NSG1: variants seen among roughly 807,000 people sequenced by gnomAD.
The protein encoded by NSG1 is neuronal vesicle trafficking-associated protein 1.
Under a neutral mutation model 19.3 loss-of-function variants are expected in NSG1, and 9 were observed. That is an observed-to-expected ratio of 0.47 (90% CI 0.28 to 0.81). NSG1 has a LOEUF of 0.81. Among genes scored for constraint, NSG1 ranks in the 40% least tolerant of loss-of-function variants. The probability of loss-of-function intolerance (pLI) is 0.11; values close to 1 mark genes in which losing one functional copy is unlikely to be tolerated. For synonymous variants in NSG1, 104 were observed against 107.0 expected (o/e 0.97, Z 0.17); for missense variants, 236 against 242.4 (o/e 0.97, Z 0.18).
In NSG1 at chr4:4,418,456, C is replaced by A. The variant is rs965066959; in HGVS notation, c.*1021C>A. Reference sequence around the variant, plus strand: ...TGGGGGTGGGGGACTGGTGTGGCACCGTGCAAACAAAATGACAAATTTCAA... The same window carrying A: ...TGGGGGTGGGGGACTGGTGTGGCACAGTGCAAACAAAATGACAAATTTCAA... On this transcript the variant is annotated 3_prime_UTR_variant, in exon 5 of 5. Coordinates refer to ENST00000621129, the MANE Select transcript of NSG1 (RefSeq NM_014392.5). 6.6e-6 allele frequency: 1 copy of A among 152,568 alleles called. No individual in the cohort carries two copies. The highest frequency in any genetic ancestry group is 1.5e-5 in the Non-Finnish European group (1 of 68,030). The allele number at this position is 152,568 out of a possible 1,614,324, so 9.5% of individuals were successfully genotyped here. A position where few individuals can be genotyped will look rare whatever the true frequency, so the allele number is the denominator to read the frequency against.
intron 4 of NSG1, among the ~76,000 whole-genome samples, chr4:4,413,081 C>T (rs1396909444): frequency 1.3e-5 from 2 of 152,150 alleles, no homozygotes; most frequent in African/African-American, 2.4e-5. Flanking sequence ...ACATGGCACC[C>T]ACCCCGTGCC....
intron 4 of NSG1, among the ~76,000 whole-genome samples, chr4:4,414,578 C>T (rs1396085444): frequency 6.6e-6 from 1 of 152,192 alleles, no homozygotes. Flanking sequence ...GTGTTTGTCA[C>T]ACACCAACGC....
chr4:4,403,832 G>A (rs1169697747), intron 3 of NSG1, among the ~76,000 whole-genome samples: 1 of 152,194 alleles, frequency 6.6e-6, no homozygotes, highest in Non-Finnish European at 1.5e-5. Context: ...GGCGGCGGAC[G>A]TCTCCAGAGC....
intron 4 of NSG1, chr4:4,416,067 C>T: frequency 2.8e-6 from 2 of 702,228 alleles, no homozygotes; most frequent in Non-Finnish European, 5.2e-6. Flanking sequence ...TGACCTGGGG[C>T]ACATCCTGGC....
At chr4:4,404,834 G>A (rs532598874) in intron 3 of NSG1, among the ~76,000 whole-genome samples, 4 of 152,302 alleles carry the variant, frequency 2.6e-5, no homozygotes, top group South Asian at 2.1e-4. Context: ...TTGGTGTCCC[G>A]ATAGAGGCTG....
At position 4,409,663 on chromosome 4, in the gene NSG1, C is replaced by A. The variant is rs62287955; in HGVS notation, c.337C>A (p.Pro113Thr). 6.2e-7 allele frequency: 1 copy of A among 1,614,002 alleles called. No homozygotes were observed. Among genetic ancestry groups the A allele is most frequent in the Non-Finnish European group, 8.5e-7 (1 of 1,179,980 alleles). ...GGTGTACAAGTATGACCGCGCCTGCCCCGATGGGTTCGTCCTCAAGGTAAA... is the reference window on the plus strand; with the variant it reads ...GGTGTACAAGTATGACCGCGCCTGCACCGATGGGTTCGTCCTCAAGGTAAA... ...YKVYKYDRACPDGFVLKNTQC... is the reference protein window; with the variant it reads ...YKVYKYDRACTDGFVLKNTQC... The change falls in exon 4 of 5, where the codon CCC becomes ACC. Residue 113 changes from proline (P) to threonine (T), a missense_variant. Coordinates refer to ENST00000621129, the MANE Select transcript of NSG1 (RefSeq NM_014392.5).
chr4:4,412,274 C>A (rs142617943), intron 4 of NSG1, among the ~76,000 whole-genome samples: 1 of 151,842 alleles, frequency 6.6e-6, no homozygotes, highest in African/African-American at 2.4e-5. Context: ...GATACCTGGC[C>A]TGGGTGGGAG....
chr4:4,397,254 C>T (rs1723303048), intron 3 of NSG1, among the ~76,000 whole-genome samples: 1 of 152,004 alleles, frequency 6.6e-6, no homozygotes, highest in African/African-American at 2.4e-5. Flanking sequence ...AGCCACCCAG[C>T]GCCGTCGACC....
intron 3 of NSG1, among the ~76,000 whole-genome samples, chr4:4,394,230 ACTT>A (rs1723134900): frequency 1.3e-5 from 2 of 151,986 alleles, no homozygotes; most frequent in African/African-American, 4.8e-5. Context: ...GAGCCATTCC[ACTT>A]CTTCAAATCC....
rs1722979218 is a variant in NSG1, at chr4:4,391,361, G to T, written c.130-114G>T. The T allele has an allele frequency of 1.3e-5, 9 of 685,586 alleles. No individual in the cohort carries two copies. The Admixed American group carries it at 2.0e-4, about 15-fold the overall frequency. 42.5% of individuals were successfully genotyped at this position (685,586 alleles called of 1,614,324 possible). ...AAAAGTAGTGGCTGTTCTCGTTCTT[G>T]TGAATTTCTTCCTGGCAAATGGTGA... On this transcript the variant is annotated intron_variant, in intron 2 of 4. Coordinates refer to ENST00000621129, the MANE Select transcript of NSG1 (RefSeq NM_014392.5).
intron 4 of NSG1, among the ~76,000 whole-genome samples, chr4:4,413,769 G>A (rs1724359983): frequency 6.6e-6 from 1 of 152,020 alleles, no homozygotes; most frequent in Non-Finnish European, 1.5e-5. Flanking sequence ...GCTGGAGATT[G>A]GAAGGGAGAG....
At chr4:4,388,818 G>A (rs940519758) in intron 2 of NSG1, among the ~76,000 whole-genome samples, 1 of 152,212 alleles carries the variant, frequency 6.6e-6, no homozygotes. Flanking sequence ...GTGTCGTCTG[G>A]GGAGGGAGGC....
chr4:4,406,652 G>A (rs1325468704), intron 3 of NSG1, among the ~76,000 whole-genome samples: 1 of 152,172 alleles, frequency 6.6e-6, no homozygotes, highest in African/African-American at 2.4e-5. Context: ...AGCAGCGACA[G>A]CAGACAGCTC....
chr4:4,406,799 T>C (rs1723883772), intron 3 of NSG1, among the ~76,000 whole-genome samples: 1 of 152,206 alleles, frequency 6.6e-6, no homozygotes, highest in African/African-American at 2.4e-5. Flanking sequence ...GCAGGGTCTG[T>C]GCTCCGGCCC....
chr4:4,411,368 A>G (rs1488841247), intron 4 of NSG1, among the ~76,000 whole-genome samples: 1 of 152,214 alleles, frequency 6.6e-6, no homozygotes, highest in Non-Finnish European at 1.5e-5. Flanking sequence ...GATCCACAGT[A>G]TCACCGCCTT....
chr4:4,409,510 G>GGT (rs1180201153), intron 3 of NSG1, 63 bp from the exon 4 acceptor site: 39 of 1,208,122 alleles, frequency 3.2e-5, no homozygotes, highest in South Asian at 1.6e-4. Flanking sequence ...TTCGTGTGCG[G>GGT]GTGTGTGTGT....
chr4:4,391,300 A>T (rs772389949), intron 2 of NSG1, among the ~76,000 whole-genome samples, 175 bp from the exon 3 acceptor site: 2 of 152,210 alleles, frequency 1.3e-5, no homozygotes, highest in Non-Finnish European at 2.9e-5. Flanking sequence ...TGAATGGGTC[A>T]TTTCTCTGAA....
At chr4:4,397,205 C>T (rs1221633142) in intron 3 of NSG1, among the ~76,000 whole-genome samples, 1 of 151,476 alleles carries the variant, frequency 6.6e-6, no homozygotes, top group East Asian at 1.9e-4. Flanking sequence ...ATTTCCTTCT[C>T]CCTCCGCCTG....
At chr4:4,409,493 G>T in intron 3 of NSG1, 80 bp from the exon 4 acceptor site, 3 of 998,310 alleles carry the variant, frequency 3.0e-6, no homozygotes, top group Middle Eastern at 2.1e-4. Context: ...CTGTGTGGGG[G>T]GGGGCCTTCG....
Sources: gnomAD v4.1 joint callset for allele counts (sites outside exome capture counted in the v4.1 genomes callset) on GRCh38, gnomAD v4.1.1 for gene constraint, MANE v1.5 for transcripts, NCBI Gene and HGNC (gene_info 2026-07-23, HGNC 2026-07-21) for gene names.